Variants in UNC45A observed in about 807,000 individuals in gnomAD.
The protein encoded by UNC45A is protein unc-45 homolog A.
A neutral mutation model predicts 103.2 loss-of-function variants in UNC45A; 78 were observed. The ratio of observed to expected loss-of-function variants is 0.76; its 90% confidence interval spans 0.63 to 0.91. The LOEUF is 0.91. Ranked by LOEUF, UNC45A falls within the 40% of genes least tolerant of loss-of-function variation. UNC45A has a pLI of 0.00. For synonymous variants in UNC45A, 495 were observed against 504.6 expected (o/e 0.98, Z 0.25); for missense variants, 1,193 against 1,224.8 (o/e 0.97, Z 0.39).
At chr15:90,935,200 C>A, upstream of UNC45A, 1 of 990,118 alleles carries the variant, frequency 1.0e-6, no homozygotes, top group Non-Finnish European at 1.5e-6. Context: ...CTCCTTAGCC[C>A]TGCCCCTCTC....
chr15:90,942,653 G>A (rs1320600397), intron 7 of UNC45A, 48 bp downstream of exon 7: 1 of 1,613,142 alleles, frequency 6.2e-7, no homozygotes, highest in Admixed American at 1.7e-5. Flanking sequence ...TGTCATGGAA[G>A]GGATGGGGCT....
At chr15:90,940,276 C>A in intron 5 of UNC45A, 30 bp from the exon 6 acceptor site, 1 of 1,598,988 alleles carries the variant, frequency 6.3e-7, no homozygotes, top group South Asian at 1.1e-5. Context: ...TGTGCAGTGT[C>A]AACATTATAA....
rs756225012 is a variant in UNC45A, at chr15:90,940,472, G to A, written c.686G>A (p.Arg229Gln). The A allele has an allele frequency of 8.7e-6, 14 of 1,611,000 alleles. No individual in the cohort carries two copies. The highest frequency in any genetic ancestry group is 6.7e-5 in the African/African-American group (5 of 74,804). ...GGCATTTGCTCTGAGCATCAGTCACGGGTAGGTGGAGTGGAGAGGCTGGTT... is the reference window on the plus strand; with the variant it reads ...GGCATTTGCTCTGAGCATCAGTCACAGGTAGGTGGAGTGGAGAGGCTGGTT... ...LVGICSEHQSRTVATLSILGT... is the reference protein window; with the variant it reads ...LVGICSEHQSQTVATLSILGT... Residue 229 changes from arginine (R) to glutamine (Q), a missense_variant and splice_region_variant, in exon 6 of 20, where the codon CGG (arginine) becomes CAG (glutamine). By Grantham distance (43) the Arg-to-Gln change is conservative (BLOSUM62 1). Coordinates refer to ENST00000418476, the MANE Select transcript of UNC45A (RefSeq NM_018671.5).
chr15:90,947,422 T>G, intron 10 of UNC45A: 1 of 285,304 alleles, frequency 3.5e-6, no homozygotes, highest in South Asian at 4.7e-5. Flanking sequence ...CTCCATCCCA[T>G]AAGGATTTGG....
chr15:90,932,208 T>C, upstream of UNC45A: 4 of 1,323,998 alleles, frequency 3.0e-6, no homozygotes, highest in Non-Finnish European at 4.1e-6. Context: ...TTGTGGACTC[T>C]GACTAGCTGG....
chr15:90,935,413 C>T (rs762449747), intron 1 of UNC45A, 38 bp downstream of exon 1: 1 of 1,584,142 alleles, frequency 6.3e-7, no homozygotes. Flanking sequence ...CCCTTCGCAC[C>T]CGCCCTGACC....
At position 90,944,914 on chromosome 15, in the gene UNC45A, G is replaced by T. The variant is rs771175867; in HGVS notation, c.1050G>T (p.Val350=). 1.1e-5 allele frequency: 18 copies of T among 1,612,226 alleles called. No homozygotes were observed. The highest frequency in any genetic ancestry group is 9.3e-5 in the African/African-American group (7 of 74,972). The change falls in exon 9 of 20, where the codon GTG becomes GTT. Residue 350 remains valine, a synonymous_variant. Coordinates refer to ENST00000418476, the MANE Select transcript of UNC45A (RefSeq NM_018671.5). ...IDQGLKKILE[V]GGSLQDPPGE... is the part of the protein sequence containing the mutation. ...CAGGTCTGAAAAAGATTTTGGAAGT[G>T]GGGGGCTCTCTACAGGACCCTCCTG...
intron 9 of UNC45A, among the ~76,000 whole-genome samples, chr15:90,946,229 T>G (rs1596230723): frequency 7.4e-6 from 1 of 135,834 alleles, no homozygotes; most frequent in Admixed American, 7.9e-5. Flanking sequence ...ACTCCAGCCT[T>G]GGGGACAGAG....
chr15:90,950,779 A>G (rs1448241297), intron 17 of UNC45A, among the ~76,000 whole-genome samples, 164 bp downstream of exon 17: 1 of 152,226 alleles, frequency 6.6e-6, no homozygotes, highest in African/African-American at 2.4e-5. Context: ...AAGAGGCAGC[A>G]CGGCACGGCA....
At chr15:90,940,594 C>T (rs2036244188) in intron 6 of UNC45A, 121 bp downstream of exon 6, 6 of 1,289,494 alleles carry the variant, frequency 4.7e-6, no homozygotes, top group Admixed American at 5.0e-5. Context: ...TCCACTCTTC[C>T]ACCCTCTACC....
intron 17 of UNC45A, 58 bp from the exon 18 acceptor site, chr15:90,952,871 G>C: frequency 6.6e-7 from 1 of 1,512,572 alleles, no homozygotes; most frequent in South Asian, 1.1e-5. Context: ...TCAACATGAG[G>C]GTTAGAAGGG....
upstream of UNC45A, chr15:90,932,256 C>A: frequency 1.1e-6 from 1 of 925,546 alleles, no homozygotes; most frequent in Non-Finnish European, 1.6e-6. Flanking sequence ...TGGGAGCCAA[C>A]CGACAAAGGG....
chr15:90,931,021 T>C (rs917209688), upstream of UNC45A: 4 of 468,372 alleles, frequency 8.5e-6, no homozygotes, highest in Admixed American at 3.5e-5. Flanking sequence ...CCATGCAAAA[T>C]AGCAAACAGA....
intron 14 of UNC45A, 103 bp from the exon 15 acceptor site, chr15:90,949,551 C>T (rs1269146268): frequency 2.3e-5 from 37 of 1,598,336 alleles, no homozygotes; most frequent in African/African-American, 8.1e-5. Flanking sequence ...CTTAGAGCGA[C>T]GGGGGCTGCC....
upstream of UNC45A, chr15:90,932,221 G>C: frequency 2.4e-6 from 3 of 1,228,460 alleles, no homozygotes; most frequent in Non-Finnish European, 3.4e-6. Context: ...CTAGCTGGGT[G>C]ACCTTGGTCA....
In UNC45A at chr15:90,944,939, G is replaced by T. The variant is rs761578148; in HGVS notation, c.1075G>T (p.Gly359Trp). The T allele has an allele frequency of 5.6e-6, 9 of 1,612,524 alleles. No individual in the cohort carries two copies. Among genetic ancestry groups the T allele is most frequent in the Non-Finnish European group, 4.2e-6 (5 of 1,180,018 alleles). The change falls in exon 9 of 20, where the codon GGG (glycine) becomes TGG (tryptophan). Residue 359 changes from glycine to tryptophan, a missense_variant. Transcript: ENST00000418476. ...GGGGGGCTCTCTACAGGACCCTCCTGGGGAGCTCGCAGTGACCGCAAACAG... is the reference window on the plus strand; with the variant it reads ...GGGGGGCTCTCTACAGGACCCTCCTTGGGAGCTCGCAGTGACCGCAAACAG... ...EVGGSLQDPP[G>W]ELAVTANSRM...
intron 6 of UNC45A, among the ~76,000 whole-genome samples, chr15:90,942,014 C>T (rs1359066156): frequency 1.3e-5 from 2 of 151,608 alleles, no homozygotes; most frequent in Non-Finnish European, 2.9e-5. Flanking sequence ...GTCTCACGGG[C>T]CCATTCCGTG....
Position 90,946,736 on chromosome 15 carries a change from G to A in UNC45A, c.1322G>A (p.Ser441Asn). ...TTGGAGCTGAGCGGTGTCATGGAGAGTGTGATTGCTCTGTGTGCCTCTGAG... is the reference window on the plus strand; with the variant it reads ...TTGGAGCTGAGCGGTGTCATGGAGAATGTGATTGCTCTGTGTGCCTCTGAG... ...RALELSGVME[S>N]VIALCASEQE... The change falls in exon 10 of 20, where the codon AGT becomes AAT. Residue 441 changes from serine (S) to asparagine (N), a missense_variant. Coordinates refer to ENST00000418476, the MANE Select transcript of UNC45A (RefSeq NM_018671.5). 1 of 1,613,900 alleles carries A rather than the reference G, an allele frequency of 6.2e-7. No individual in the cohort carries two copies. Among genetic ancestry groups the A allele is most frequent in the Non-Finnish European group, 8.5e-7 (1 of 1,180,036 alleles).
intron 17 of UNC45A, chr15:90,952,325 G>T (rs2036959714): frequency 6.6e-6 from 1 of 152,662 alleles, no homozygotes; most frequent in Non-Finnish European, 1.5e-5. Context: ...TTCTGGGGAG[G>T]CCTCAGAGAG....
Sources: gnomAD v4.1 joint callset for allele counts (sites outside exome capture counted in the v4.1 genomes callset) on GRCh38, gnomAD v4.1.1 for gene constraint, MANE v1.5 for transcripts, NCBI Gene and HGNC (gene_info 2026-07-23, HGNC 2026-07-21) for gene names.